GRIK1: variants seen among roughly 807,000 people sequenced by gnomAD.
The protein encoded by GRIK1 is glutamate receptor ionotropic, kainate 1.
GRIK1 carries 69 observed loss-of-function variants against 105.7 expected under a neutral mutation model. The observed-to-expected ratio is 0.65, with a 90% CI of 0.54 to 0.80. The LOEUF (loss-of-function observed/expected upper bound fraction) is 0.80. Among genes scored for constraint, GRIK1 ranks in the 30% least tolerant of loss-of-function variants. The pLI, the probability that GRIK1 is intolerant of heterozygous loss-of-function variation, is 0.00. For synonymous variants in GRIK1, 438 were observed against 431.3 expected, an observed-to-expected ratio of 1.02 and a Z score of -0.19; for missense variants, 1,109 against 1,167.3, an observed-to-expected ratio of 0.95 and a Z score of 0.73.
chr21:29,830,334 C>A (rs866173514), intron 1 of GRIK1, among the ~76,000 whole-genome samples: 1,586 of 99,866 alleles, frequency 0.016, 48 homozygotes, highest in African/African-American at 0.038. Flanking sequence ...CACACACACA[C>A]ACACACACAC....
At chr21:29,869,308 G>A (rs779779112) in intron 1 of GRIK1, among the ~76,000 whole-genome samples, 3 of 152,130 alleles carry the variant, frequency 2.0e-5, no homozygotes, top group Admixed American at 6.5e-5. Context: ...TTATGCAACC[G>A]GGACCTAAAT....
At chr21:29,799,763 C>T (rs1485349929) in intron 1 of GRIK1, among the ~76,000 whole-genome samples, 1 of 152,142 alleles carries the variant, frequency 6.6e-6, no homozygotes, top group Non-Finnish European at 1.5e-5. Flanking sequence ...CTCCTGACCC[C>T]AAGTGATCCA....
intron 3 of GRIK1, among the ~76,000 whole-genome samples, chr21:29,683,675 C>T (rs1238805381): frequency 6.6e-6 from 1 of 152,180 alleles, no homozygotes; most frequent in Non-Finnish European, 1.5e-5. Context: ...TGCTCACTCA[C>T]TGCATGGGTG....
chr21:29,828,707 C>T (rs566485531), intron 1 of GRIK1, among the ~76,000 whole-genome samples: 52 of 152,128 alleles, frequency 3.4e-4, no homozygotes, highest in Non-Finnish European at 5.9e-4. Context: ...ACTATGTTGC[C>T]CAGAATGGTC....
At chr21:29,801,268 CATTACTTTTAATGGTAAAAACCGCA>C (rs2066702857) in intron 1 of GRIK1, among the ~76,000 whole-genome samples, 1 of 151,254 alleles carries the variant, frequency 6.6e-6, no homozygotes, top group Non-Finnish European at 1.5e-5. Flanking sequence ...CGGTTTTTAC[CATTACTTTTAATGGTAAAAACCGCA>C]ATTACTTTTG....
intron 1 of GRIK1, among the ~76,000 whole-genome samples, chr21:29,810,344 C>T (rs1435958368): frequency 6.6e-6 from 1 of 151,102 alleles, no homozygotes; most frequent in African/African-American, 2.4e-5. Flanking sequence ...ATCACCGTAA[C>T]AAACTGAAAT....
At chr21:29,755,871 A>G (rs2065324128) in intron 1 of GRIK1, among the ~76,000 whole-genome samples, 1 of 152,234 alleles carries the variant, frequency 6.6e-6, no homozygotes, top group African/African-American at 2.4e-5. Context: ...TGAATTGAGT[A>G]AAAAGGTTCG....
chr21:29,822,131 T>C (rs1460351998), intron 1 of GRIK1, among the ~76,000 whole-genome samples: 1 of 152,068 alleles, frequency 6.6e-6, no homozygotes, highest in African/African-American at 2.4e-5. Context: ...GGAAAGTGTT[T>C]CTGTAAATGG....
intron 1 of GRIK1, among the ~76,000 whole-genome samples, chr21:29,835,600 G>T (rs2067775860): frequency 6.6e-6 from 1 of 152,090 alleles, no homozygotes; most frequent in Non-Finnish European, 1.5e-5. Context: ...ACATTTTAGG[G>T]TATTAAAACA....
intron 1 of GRIK1, among the ~76,000 whole-genome samples, chr21:29,808,553 G>A (rs981608002): frequency 6.6e-6 from 1 of 152,126 alleles, no homozygotes; most frequent in African/African-American, 2.4e-5. Flanking sequence ...ACAGAAGATG[G>A]GTTGTTTTTA....
intron 1 of GRIK1, among the ~76,000 whole-genome samples, chr21:29,739,835 A>T (rs2064882238): frequency 6.6e-6 from 1 of 152,174 alleles, no homozygotes. Context: ...AAAAATACAC[A>T]CTAAGTTGTT....
chr21:29,823,191 A>G (rs965209272), intron 1 of GRIK1, among the ~76,000 whole-genome samples: 1 of 152,042 alleles, frequency 6.6e-6, no homozygotes, highest in South Asian at 2.1e-4. Context: ...ATGTGTATTT[A>G]AATATGTATA....
intron 1 of GRIK1, among the ~76,000 whole-genome samples, chr21:29,747,641 C>T (rs2065079732): frequency 6.6e-6 from 1 of 151,966 alleles, no homozygotes; most frequent in African/African-American, 2.4e-5. Flanking sequence ...CCATCCTGGC[C>T]AATATGGTGA....
At chr21:29,756,688 A>G (rs2065350536) in intron 1 of GRIK1, among the ~76,000 whole-genome samples, 1 of 152,174 alleles carries the variant, frequency 6.6e-6, no homozygotes, top group Non-Finnish European at 1.5e-5. Context: ...ATTAAAAACA[A>G]AAAACAAAAA....
intron 7 of GRIK1, among the ~76,000 whole-genome samples, chr21:29,633,308 G>T (rs1340976839): frequency 6.6e-6 from 1 of 152,130 alleles, no homozygotes; most frequent in East Asian, 1.9e-4. Flanking sequence ...AGATTATCCT[G>T]GCCAACATGG....
chr21:29,553,499 C>T, intron 16 of GRIK1: 1 of 1,484,548 alleles, frequency 6.7e-7, no homozygotes. Context: ...ATCAACAACA[C>T]CAATTAGCAA....
chr21:29,669,457 C>G (rs2063123221), intron 4 of GRIK1, among the ~76,000 whole-genome samples: 1 of 152,176 alleles, frequency 6.6e-6, no homozygotes, highest in Non-Finnish European at 1.5e-5. Context: ...AGAAGACCAG[C>G]AGCATATGGC....
chr21:29,882,159 G>A (rs565444382), intron 1 of GRIK1, among the ~76,000 whole-genome samples: 13 of 152,184 alleles, frequency 8.5e-5, no homozygotes, highest in African/African-American at 2.6e-4. Flanking sequence ...TTTGTTGTCC[G>A]TTTAGGAAGA....
intron 1 of GRIK1, among the ~76,000 whole-genome samples, chr21:29,867,614 G>C (rs1446554721): frequency 6.6e-6 from 1 of 151,940 alleles, no homozygotes; most frequent in African/African-American, 2.4e-5. Context: ...AACCAACATG[G>C]AGAAACCCCA....
Sources: gnomAD v4.1 joint callset for allele counts (sites outside exome capture counted in the v4.1 genomes callset) on GRCh38, gnomAD v4.1.1 for gene constraint, MANE v1.5 for transcripts, NCBI Gene and HGNC (gene_info 2026-07-23, HGNC 2026-07-21) for gene names.